Variants in PDGFC observed in about 807,000 individuals in gnomAD.
PDGFC encodes the protein platelet-derived growth factor C.
PDGFC carries 12 observed loss-of-function variants against 35.5 expected under a neutral mutation model. The observed-to-expected ratio is 0.34, with a 90% confidence interval of 0.22 to 0.55. The LOEUF (loss-of-function observed/expected upper bound fraction) is 0.55. Among genes scored for constraint, PDGFC ranks in the 20% least tolerant of loss-of-function variants. The pLI is 0.91. For missense variants in PDGFC, 322 were observed against 412.4 expected, an observed-to-expected ratio of 0.78 and a Z score of 1.90; for synonymous variants, 159 against 148.8, an observed-to-expected ratio of 1.07 and a Z score of -0.50.
At chr4:156,928,492 A>G (rs1323200670) in intron 1 of PDGFC, among the ~76,000 whole-genome samples, 1 of 152,232 alleles carries the variant, frequency 6.6e-6, no homozygotes, top group Non-Finnish European at 1.5e-5. Flanking sequence ...GGTAAGGCAC[A>G]GGTGAAACAC....
At chr4:156,796,898 G>C (rs1731457856) in intron 3 of PDGFC, among the ~76,000 whole-genome samples, 3 of 151,994 alleles carry the variant, frequency 2.0e-5, no homozygotes, top group African/African-American at 7.3e-5. Flanking sequence ...CTTACTTTAA[G>C]CAAAGTCACA....
At chr4:156,883,767 T>C (rs1199955457) in intron 1 of PDGFC, among the ~76,000 whole-genome samples, 1 of 152,204 alleles carries the variant, frequency 6.6e-6, no homozygotes, top group Non-Finnish European at 1.5e-5. Flanking sequence ...TAGGAGTTTA[T>C]CTAAACCATT....
intron 2 of PDGFC, among the ~76,000 whole-genome samples, chr4:156,816,348 C>G (rs151091189): frequency 6.6e-6 from 1 of 152,244 alleles, no homozygotes; most frequent in East Asian, 1.9e-4. Context: ...GACAAACATT[C>G]TACAGTGTGT....
At chr4:156,797,103 T>G (rs1451742270) in intron 3 of PDGFC, among the ~76,000 whole-genome samples, 1 of 151,794 alleles carries the variant, frequency 6.6e-6, no homozygotes, top group South Asian at 2.1e-4. Flanking sequence ...CTAGGAGTGG[T>G]GGCGGCTGCC....
intron 3 of PDGFC, among the ~76,000 whole-genome samples, chr4:156,796,096 A>G (rs1033225119): frequency 9.9e-5 from 15 of 152,156 alleles, no homozygotes; most frequent in African/African-American, 2.4e-4. Context: ...CCAAGCTGCA[A>G]TGATGGTTCT....
chr4:156,813,088 G>A (rs1461596550), intron 2 of PDGFC, among the ~76,000 whole-genome samples: 1 of 152,014 alleles, frequency 6.6e-6, no homozygotes, highest in Non-Finnish European at 1.5e-5. Context: ...TGTGTGGTTC[G>A]GGGATGGTGG....
At chr4:156,784,073 A>G (rs531991294) in intron 3 of PDGFC, among the ~76,000 whole-genome samples, 1 of 152,374 alleles carries the variant, frequency 6.6e-6, no homozygotes, top group South Asian at 2.1e-4. Flanking sequence ...TGACACGCAT[A>G]TATCCAGCAG....
At chr4:156,880,917 GT>G (rs766338492) in intron 1 of PDGFC, among the ~76,000 whole-genome samples, 5 of 152,170 alleles carry the variant, frequency 3.3e-5, no homozygotes, top group Non-Finnish European at 7.4e-5. Flanking sequence ...CCTGATGGAG[GT>G]GTTCTGTTAT....
At position 156,971,430 on chromosome 4, in the gene PDGFC, G is replaced by T. The variant is rs563989685; in HGVS notation, c.-527C>A. 6.1e-5 allele frequency: 23 copies of T among 377,068 alleles called. 2 individuals are homozygous for T. The highest frequency in any genetic ancestry group is 6.1e-4 in the East Asian group (16 of 26,378). The allele number at this position is 377,068 out of a possible 1,614,324, so 23.4% of individuals were successfully genotyped here. A position where few individuals can be genotyped will look rare whatever the true frequency, so the allele number is the denominator to read the frequency against. ...CCCGCCCCACCCCCCACCCCCGAAG[G>T]GGGAGGGGGAAGAAACAAGGCGAGG... is the stretch of plus-strand genomic sequence containing the variant. On this transcript the variant is annotated 5_prime_UTR_variant, in exon 1 of 6. Transcript: ENST00000502773.
At chr4:156,868,759 A>T (rs1013429595) in intron 1 of PDGFC, among the ~76,000 whole-genome samples, 44 of 152,214 alleles carry the variant, frequency 2.9e-4, no homozygotes, top group Admixed American at 6.5e-4. Flanking sequence ...TTCCTTTACT[A>T]TCTTAGATAT....
chr4:156,790,608 A>C (rs1041283714), intron 3 of PDGFC, among the ~76,000 whole-genome samples: 2 of 152,220 alleles, frequency 1.3e-5, no homozygotes, highest in Non-Finnish European at 2.9e-5. Context: ...CCCTAAATTG[A>C]TCATCAGCAA....
chr4:156,862,730 T>A (rs139267923), intron 1 of PDGFC, among the ~76,000 whole-genome samples: 1 of 151,990 alleles, frequency 6.6e-6, no homozygotes, highest in Admixed American at 6.6e-5. Context: ...TCTCTCTTTT[T>A]TTTTTTTTGG....
At chr4:156,925,089 T>A (rs550628673) in intron 1 of PDGFC, among the ~76,000 whole-genome samples, 5 of 152,256 alleles carry the variant, frequency 3.3e-5, no homozygotes, top group African/African-American at 1.2e-4. Context: ...GAGGAAATCA[T>A]GAGAACAGGA....
chr4:156,853,368 C>T (rs991392896), intron 1 of PDGFC, among the ~76,000 whole-genome samples: 1 of 152,150 alleles, frequency 6.6e-6, no homozygotes, highest in African/African-American at 2.4e-5. Flanking sequence ...AAAGGACAAC[C>T]TGTTTAATCC....
chr4:156,892,490 C>G (rs1386703341), intron 1 of PDGFC, among the ~76,000 whole-genome samples: 2 of 151,282 alleles, frequency 1.3e-5, no homozygotes, highest in Non-Finnish European at 2.9e-5. Flanking sequence ...TTTCTTTTAC[C>G]ACAACTCTCA....
intron 1 of PDGFC, among the ~76,000 whole-genome samples, chr4:156,896,769 C>T (rs771563323): frequency 6.4e-4 from 98 of 152,166 alleles, no homozygotes; most frequent in Non-Finnish European, 9.6e-4. Flanking sequence ...AGTTATTCAG[C>T]CATTCAGGCA....
chr4:156,942,520 G>A (rs1242893979), intron 1 of PDGFC, among the ~76,000 whole-genome samples: 1 of 151,668 alleles, frequency 6.6e-6, no homozygotes, highest in Non-Finnish European at 1.5e-5. Flanking sequence ...AAAGAAGAAT[G>A]TATTTGTGTC....
chr4:156,925,518 A>G (rs1731387312), intron 1 of PDGFC, among the ~76,000 whole-genome samples: 1 of 152,164 alleles, frequency 6.6e-6, no homozygotes. Context: ...TTAAGAAGGC[A>G]GAAGAATAGG....
At chr4:156,780,812 AC>A (rs199850837) in intron 3 of PDGFC, among the ~76,000 whole-genome samples, 2 of 150,158 alleles carry the variant, frequency 1.3e-5, no homozygotes, top group Non-Finnish European at 3.0e-5. Flanking sequence ...GTCAGCAATG[AC>A]CCCCCCACAT....
Sources: allele counts gnomAD v4.1 joint callset (sites outside exome capture counted in the v4.1 genomes callset), GRCh38; gene constraint gnomAD v4.1.1; transcripts MANE v1.5; gene names NCBI Gene and HGNC (gene_info 2026-07-23, HGNC 2026-07-21).